Variants in OC90 observed in about 807,000 individuals in gnomAD.
OC90 encodes the protein otoconin-90.
OC90 carries 46 observed loss-of-function variants against 47.3 expected under a neutral mutation model. The observed-to-expected ratio is 0.97, with a 90% CI of 0.77 to 1.24. The LOEUF (loss-of-function observed/expected upper bound fraction) is 1.24. Among genes scored for constraint, OC90 ranks in the 50% most tolerant of loss-of-function variants. The pLI is 0.00. For synonymous variants in OC90, 271 were observed against 219.5 expected (o/e 1.23, Z -2.07); for missense variants, 688 against 583.9 (o/e 1.18, Z -1.84).
At chr8:132,037,117 T>C (rs1822979703) in intron 9 of OC90, among the ~76,000 whole-genome samples, 1 of 152,390 alleles carries the variant, frequency 6.6e-6, no homozygotes, top group African/African-American at 2.4e-5. Context: ...TCTGTGCTGC[T>C]TTTATGCTAC....
At chr8:132,042,792 G>C (rs189016641) in intron 4 of OC90, among the ~76,000 whole-genome samples, 11 of 152,308 alleles carry the variant, frequency 7.2e-5, no homozygotes, top group African/African-American at 1.9e-4. Context: ...GCAAAGAAAA[G>C]GGATTGCTTA....
chr8:132,055,167 G>A (rs1327681819), intron 1 of OC90, 94 bp from the exon 2 acceptor site: 2 of 658,782 alleles, frequency 3.0e-6, no homozygotes, highest in Non-Finnish European at 5.2e-6. Context: ...GGTCCCACAA[G>A]GCATGTGGTA....
At chr8:132,054,077 C>G in intron 2 of OC90, among the ~76,000 whole-genome samples, 1 of 152,204 alleles carries the variant, frequency 6.6e-6, no homozygotes, top group East Asian at 1.9e-4. Flanking sequence ...GGAGCTCCAA[C>G]TACAGGAAGC....
Position 132,024,717 on chromosome 8 carries a change from A to T in OC90, c.1198T>A (p.Cys400Ser). Reference sequence around the variant, plus strand: ...TGGTTAAAGGAGGCAGAGGTCATGCACTCAGCTGCCGTCTGGTCACAGGCA... The same window carrying T: ...TGGTTAAAGGAGGCAGAGGTCATGCTCTCAGCTGCCGTCTGGTCACAGGCA... ...LCACDQTAAE[C>S]MTSASFNQSL... Residue 400 changes from cysteine to serine, a missense_variant, in exon 14 of 14, where the codon TGC becomes AGC. By Grantham distance (112) the Cys-to-Ser change is moderately radical (BLOSUM62 -1). Transcript: ENST00000254627. 6.2e-7 allele frequency: 1 copy of T among 1,613,746 alleles called. No individual in the cohort carries two copies. The highest frequency in any genetic ancestry group is 8.5e-7 in the Non-Finnish European group (1 of 1,179,800).
intron 13 of OC90, among the ~76,000 whole-genome samples, chr8:132,025,523 C>G (rs945944990): frequency 3.3e-5 from 5 of 152,128 alleles, no homozygotes; most frequent in Non-Finnish European, 7.4e-5. Context: ...GCCTGTGACC[C>G]TTCCTAGATA....
rs551584565 is a variant in OC90, at chr8:132,038,690, G to A, written c.628+100C>T. The A allele has an allele frequency of 1.1e-4, 98 of 904,342 alleles. No individual in the cohort carries two copies. In the African/African-American group the frequency reaches 1.5e-3, roughly 14 times the overall value. 56.0% of individuals were successfully genotyped at this position (904,342 alleles called of 1,614,324 possible). A position where few individuals can be genotyped will look rare whatever the true frequency, so the allele number is the denominator to read the frequency against. On this transcript the variant is annotated intron_variant, in intron 8 of 13. Transcript: ENST00000254627. ...CACTTCCAGTGTCACAGTCACTCCAGCTCCAGTGAGGCAGGCCTGGTGGAG... is the reference window on the plus strand; with the variant it reads ...CACTTCCAGTGTCACAGTCACTCCAACTCCAGTGAGGCAGGCCTGGTGGAG...
chr8:132,055,157 G>T (rs1279755024), intron 1 of OC90, 84 bp from the exon 2 acceptor site: 2 of 696,392 alleles, frequency 2.9e-6, no homozygotes, highest in East Asian at 5.7e-5. Flanking sequence ...GTCCTTTCTT[G>T]GTCCCACAAG....
At chr8:132,038,852 A>G in intron 7 of OC90, 21 bp from the exon 8 acceptor site, 1 of 1,613,648 alleles carries the variant, frequency 6.2e-7, no homozygotes, top group African/African-American at 1.3e-5. Flanking sequence ...AACACTTTGG[A>G]AAGTCTGTTG....
chr8:132,034,889 G>T, intron 9 of OC90, 55 bp from the exon 10 acceptor site: 1 of 1,421,362 alleles, frequency 7.0e-7, no homozygotes, highest in Non-Finnish European at 9.9e-7. Context: ...TGTCCCACCT[G>T]GGTTTCCAGA....
chr8:132,031,137 C>T (rs914195119), intron 12 of OC90, among the ~76,000 whole-genome samples: 3 of 152,202 alleles, frequency 2.0e-5, no homozygotes, highest in Non-Finnish European at 4.4e-5. Context: ...ATGGTTTCCT[C>T]TGTTTACCCT....
intron 8 of OC90, among the ~76,000 whole-genome samples, 184 bp from the exon 9 acceptor site, chr8:132,037,672 G>C (rs1281107107): frequency 6.6e-6 from 1 of 152,188 alleles, no homozygotes; most frequent in African/African-American, 2.4e-5. Context: ...TCCTCCCAGA[G>C]CACGGAGTGC....
intron 2 of OC90, among the ~76,000 whole-genome samples, chr8:132,047,323 CT>C (rs11339050): frequency 0.054 from 8,127 of 150,662 alleles, 614 homozygotes; most frequent in African/African-American, 0.17. Context: ...AGTCAGCTCA[CT>C]TTTTTTTTTA....
chr8:132,027,734 C>T (rs1822779923), intron 13 of OC90, among the ~76,000 whole-genome samples: 1 of 152,216 alleles, frequency 6.6e-6, no homozygotes, highest in Non-Finnish European at 1.5e-5. Context: ...ACAGAGGAGC[C>T]TCTGGTTTCT....
intron 2 of OC90, chr8:132,049,843 A>G: frequency 1.9e-6 from 1 of 518,526 alleles, no homozygotes; most frequent in Non-Finnish European, 3.9e-6. Context: ...GTAATGTATC[A>G]CAGATGATAA....
intron 12 of OC90, 82 bp downstream of exon 12, chr8:132,031,799 G>A: frequency 8.0e-7 from 1 of 1,254,406 alleles, no homozygotes; most frequent in Non-Finnish European, 1.1e-6. Context: ...TCAGCCTGGT[G>A]TCCAGGAGGG....
At chr8:132,056,808 T>G (rs10956630) in intron 1 of OC90, among the ~76,000 whole-genome samples, 88,578 of 152,002 alleles carry the variant, frequency 0.58, 26,429 homozygotes, top group Non-Finnish European at 0.65. Flanking sequence ...CATGAATGGG[T>G]CCAACATGAA....
At chr8:132,059,045 C>A (rs549381071) in intron 1 of OC90, among the ~76,000 whole-genome samples, 4 of 151,370 alleles carry the variant, frequency 2.6e-5, no homozygotes, top group Admixed American at 6.6e-5. Context: ...TCCCTCTTTC[C>A]CTCTCTCCCT....
intron 3 of OC90, 64 bp from the exon 4 acceptor site, chr8:132,044,553 C>T (rs774268139): frequency 9.8e-5 from 87 of 886,814 alleles, no homozygotes; most frequent in Non-Finnish European, 1.4e-4. Flanking sequence ...TCCCTGTCCA[C>T]CCTCTAGGTA....
rs909789799 is a variant in OC90, at chr8:132,032,942, G to A, written c.859+97C>T. ...TGATGTCTTCTCATCACACCCCCATGAGAAGGTCACAGTGTGAAAAGGTGG... is the reference window on the plus strand; with the variant it reads ...TGATGTCTTCTCATCACACCCCCATAAGAAGGTCACAGTGTGAAAAGGTGG... On this transcript the variant is annotated intron_variant, in intron 11 of 13. Transcript: ENST00000254627. 8.1e-6 allele frequency: 11 copies of A among 1,351,852 alleles called. No homozygotes were observed. The African/African-American group carries it at 1.0e-4, about 13-fold the overall frequency. 83.7% of individuals were successfully genotyped at this position (1,351,852 alleles called of 1,614,324 possible).
Sources: allele counts gnomAD v4.1 joint callset (sites outside exome capture counted in the v4.1 genomes callset), GRCh38; gene constraint gnomAD v4.1.1; transcripts MANE v1.5; gene names NCBI Gene and HGNC (gene_info 2026-07-23, HGNC 2026-07-21).